PELO: variants seen among roughly 807,000 people sequenced by gnomAD.
The protein encoded by PELO is protein pelota homolog.
In PELO, 19 loss-of-function variants were observed where a neutral mutation model predicts 25.9. The ratio of observed to expected loss-of-function variants is 0.73; its 90% CI spans 0.51 to 1.08. The LOEUF is 1.08. PELO is among the 50% of genes least tolerant of loss of function. The pLI is 0.00. For missense variants in PELO, 498 were observed against 491.4 expected (o/e 1.01, Z -0.13); for synonymous variants, 196 against 192.2 (o/e 1.02, Z -0.16).
rs1386293847 is a variant in PELO at position 52,803,898 on chromosome 5, G to T, written c.*2058G>T. On this transcript the variant is annotated 3_prime_UTR_variant, in exon 3 of 3. Coordinates refer to ENST00000274311, the MANE Select transcript of PELO (RefSeq NM_015946.5). ...TCCTGTGCTGGTAAATCTCTGGCAGGGGTCCCCAGTCAGGAAAAAGATTTG... is the reference window on the plus strand; with the variant it reads ...TCCTGTGCTGGTAAATCTCTGGCAGTGGTCCCCAGTCAGGAAAAAGATTTG... The T allele has an allele frequency of 1.3e-5, 2 of 152,014 alleles. No homozygotes were observed. Among genetic ancestry groups the T allele is most frequent in the Non-Finnish European group, 2.9e-5 (2 of 68,010 alleles). 9.4% of individuals were successfully genotyped at this position (152,014 alleles called of 1,614,324 possible).
In PELO at chr5:52,792,539, T is replaced by G. The variant is rs542856728; in HGVS notation, c.-511+4125T>G. 1.1e-4 allele frequency among the ~76,000 whole-genome samples: 17 copies of G among 152,286 alleles called. No homozygotes were observed. The East Asian group carries it at 2.3e-3, about 21-fold the overall frequency. On this transcript the variant is annotated intron_variant, in intron 1 of 2. Transcript: ENST00000274311. The stretch of plus-strand genomic sequence containing the variant: ...TACCCAGCTATTTTGAAGCATGAGC[T>G]CTTGGGCCACAGCTTATCACTGATG...
chr5:52,801,623 G>A lies in PELO; in HGVS notation c.941G>A (p.Ser314Asn), dbSNP rs368990050. Residue 314 changes from serine (S) to asparagine (N), a missense_variant, in exon 3 of 3, where the codon AGC becomes AAC. Physicochemically the swap from Ser to Asn is conservative, Grantham distance 46. Coordinates refer to ENST00000274311, the MANE Select transcript of PELO (RefSeq NM_015946.5). ...EAMAIDTLLI[S>N]DELFRHQDVA... The stretch of plus-strand genomic sequence containing the variant: ...ATGGCAATTGACACATTGCTCATCA[G>A]CGATGAGCTCTTCAGGCATCAGGAT... 6.2e-7 allele frequency: 1 copy of A among 1,612,826 alleles called. No individual in the cohort carries two copies. The highest frequency in any genetic ancestry group is 1.3e-5 in the African/African-American group (1 of 74,906).
Position 52,801,586 on chromosome 5 carries a change from G to T in PELO, c.904G>T (p.Ala302Ser). The T allele has an allele frequency of 6.2e-7, 1 of 1,614,112 alleles. No individual in the cohort carries two copies. The highest frequency in any genetic ancestry group is 8.5e-7 in the Non-Finnish European group (1 of 1,179,990). Residue 302 changes from alanine to serine, a missense_variant, in exon 3 of 3, where the codon GCC (alanine) becomes TCC (serine). Transcript: ENST00000274311. Reference sequence around the variant, plus strand: ...CTATGGACTCAAGCAGGTGGAGAAGGCCAATGAAGCCATGGCAATTGACAC... The same window carrying T: ...CTATGGACTCAAGCAGGTGGAGAAGTCCAATGAAGCCATGGCAATTGACAC... ...AFYGLKQVEK[A>S]NEAMAIDTLL...
chr5:52,799,311 G>A (rs1020949621), intron 1 of PELO, among the ~76,000 whole-genome samples: 4 of 152,172 alleles, frequency 2.6e-5, no homozygotes, highest in Admixed American at 1.3e-4. Context: ...GTCAGTCCTA[G>A]TTAATAGTTT....
Position 52,800,189 on chromosome 5 carries a change from C to T in PELO, c.-206C>T. 2 of 592,614 alleles carry T rather than the reference C, an allele frequency of 3.4e-6. No homozygotes were observed. Among genetic ancestry groups the T allele is most frequent in the South Asian group, 2.0e-5 (1 of 50,318 alleles). 36.7% of individuals were successfully genotyped at this position (592,614 alleles called of 1,614,324 possible). On this transcript the variant is annotated 5_prime_UTR_variant, in exon 2 of 3. Coordinates refer to ENST00000274311, the MANE Select transcript of PELO (RefSeq NM_015946.5). ...CCCCGAGCCTGTTAGACGCAGCGCG[C>T]CGGGAGACTGAGAGAGGAAAGGATA...
Position 52,788,361 on chromosome 5 carries a change from C to G in PELO, c.-564C>G, listed in dbSNP as rs1383663906. 4 of 1,510,740 alleles carry G rather than the reference C, an allele frequency of 2.6e-6. No individual in the cohort carries two copies. The highest frequency in any genetic ancestry group is 2.5e-5 in the South Asian group (2 of 81,390). 93.6% of individuals were successfully genotyped at this position (1,510,740 alleles called of 1,614,324 possible). On this transcript the variant is annotated 5_prime_UTR_variant, in exon 1 of 3. Coordinates refer to ENST00000274311, the MANE Select transcript of PELO (RefSeq NM_015946.5). Reference sequence around the variant, plus strand: ...GCTGAGGCTGCTCCGGCCATGGCCCCTCGGCCCCGCGCCCGCCCAGGGGTC... The same window carrying G: ...GCTGAGGCTGCTCCGGCCATGGCCCGTCGGCCCCGCGCCCGCCCAGGGGTC...
rs1165634386 is a variant in PELO, at chr5:52,800,847, A to C, written c.453A>C (p.Leu151Phe). 6.2e-7 allele frequency: 1 copy of C among 1,609,174 alleles called. No individual in the cohort carries two copies. Among genetic ancestry groups the C allele is most frequent in the Admixed American group, 1.7e-5 (1 of 59,756 alleles). The change falls in exon 2 of 3, where the codon TTA becomes TTC. Residue 151 changes from leucine (L) to phenylalanine (F), a missense_variant. Coordinates refer to ENST00000274311, the MANE Select transcript of PELO (RefSeq NM_015946.5). ...VMQEGLAHIC[L>F]VTPSMTLTRA... ...AGGAAGGCCTCGCCCATATCTGCTT[A>C]GTCACTCCCAGCATGACCCTCACTC...
Position 52,803,925 on chromosome 5 carries a change from G to GT in PELO, c.*2086dup, listed in dbSNP as rs1157656724. 2 of 152,136 alleles carry GT rather than the reference G, an allele frequency of 1.3e-5. No homozygotes were observed. Among genetic ancestry groups the GT allele is most frequent in the Admixed American group, 6.5e-5 (1 of 15,274 alleles). 9.4% of individuals were successfully genotyped at this position (152,136 alleles called of 1,614,324 possible). On this transcript the variant is annotated 3_prime_UTR_variant, in exon 3 of 3. Coordinates refer to ENST00000274311, the MANE Select transcript of PELO (RefSeq NM_015946.5). ...GTCCCCAGTCAGGAAAAAGATTTGA[G>GT]TATTAAGGTCTTTCAAAAAAGTTAA... is the stretch of plus-strand genomic sequence containing the variant.
Position 52,800,616 on chromosome 5 carries a change from C to A in PELO, c.222C>A (p.Phe74Leu). The A allele has an allele frequency of 6.2e-7, 1 of 1,613,814 alleles. No individual in the cohort carries two copies. The change falls in exon 2 of 3, where the codon TTC becomes TTA. Residue 74 changes from phenylalanine to leucine, a missense_variant. Transcript: ENST00000274311. ...CTCTCTGCGTGGAGGCCATCGACTT[C>A]GACTCTCAAGCCTGCCAGCTGCGGG... ...TLTLCVEAID[F>L]DSQACQLRVK... is the part of the protein sequence containing the mutation.
intron 1 of PELO, among the ~76,000 whole-genome samples, chr5:52,795,403 G>A (rs1290547614): frequency 6.6e-6 from 1 of 151,740 alleles, no homozygotes; most frequent in African/African-American, 2.4e-5. Flanking sequence ...ATACAGCCCC[G>A]ACTGTTTAAG....
chr5:52,801,802 T>C lies in PELO; in HGVS notation c.1120T>C (p.Ser374Pro), dbSNP rs201507571. ...TCTCCGCTTCCCTGTTCCCGAACTT[T>C]CTGACCAAGAGGGTGATTCCAGTTC... ...AILRFPVPEL[S>P]DQEGDSSSEE... Residue 374 changes from serine (S) to proline (P), a missense_variant, in exon 3 of 3, where the codon TCT becomes CCT. Transcript: ENST00000274311. The C allele has an allele frequency of 2.2e-5, 35 of 1,613,158 alleles. No individual in the cohort carries two copies. The East Asian group carries it at 6.9e-4, about 32-fold the overall frequency.
chr5:52,789,866 CAA>C (rs1251533175), intron 1 of PELO, among the ~76,000 whole-genome samples: 2 of 152,136 alleles, frequency 1.3e-5, no homozygotes, highest in African/African-American at 4.8e-5. Context: ...TCTAAAAAGA[CAA>C]GAGTGAAACT....
intron 1 of PELO, among the ~76,000 whole-genome samples, chr5:52,789,137 G>GA (rs1668687765): frequency 6.6e-6 from 1 of 152,074 alleles, no homozygotes; most frequent in African/African-American, 2.4e-5. Flanking sequence ...ATCCAATTTA[G>GA]AAAAAGCTTG....
intron 1 of PELO, among the ~76,000 whole-genome samples, chr5:52,796,230 T>C (rs978585002): frequency 1.1e-4 from 17 of 151,938 alleles, no homozygotes; most frequent in African/African-American, 4.1e-4. Context: ...TCCAGGATGC[T>C]TGACTTCTAG....
At chr5:52,791,643 T>G (rs1748243797) in intron 1 of PELO, among the ~76,000 whole-genome samples, 1 of 152,236 alleles carries the variant, frequency 6.6e-6, no homozygotes, top group Admixed American at 6.5e-5. Flanking sequence ...CAAGGCACTG[T>G]GCCAAGGGCT....
intron 1 of PELO, among the ~76,000 whole-genome samples, chr5:52,799,339 C>T (rs1000885635): frequency 2.0e-5 from 3 of 152,200 alleles, no homozygotes; most frequent in Non-Finnish European, 2.9e-5. Context: ...CTTCCCATAG[C>T]CTCGGCTTTT....
At position 52,800,918 on chromosome 5, in the gene PELO, G is replaced by T. The variant is rs549701701; in HGVS notation, c.524G>T (p.Cys175Phe). The T allele has an allele frequency of 6.2e-7, 1 of 1,614,088 alleles. No individual in the cohort carries two copies. Among genetic ancestry groups the T allele is most frequent in the African/African-American group, 1.3e-5 (1 of 75,046 alleles). ...VNIPRKRKGNCSQHDRALERF... is the reference protein window; with the variant it reads ...VNIPRKRKGNFSQHDRALERF... ...ATCCCTAGGAAAAGGAAAGGCAATTGCTCTCAGCATGACCGGGCCTTGGAG... is the reference window on the plus strand; with the variant it reads ...ATCCCTAGGAAAAGGAAAGGCAATTTCTCTCAGCATGACCGGGCCTTGGAG... The change falls in exon 2 of 3, where the codon TGC becomes TTC. Residue 175 changes from cysteine (C) to phenylalanine (F), a missense_variant. Cys to Phe is a radical substitution (Grantham distance 205). Transcript: ENST00000274311.
Position 52,789,618 on chromosome 5 carries a change from C to T in PELO, c.-511+1204C>T, listed in dbSNP as rs369930050. Among the ~76,000 whole-genome samples the T allele has an allele frequency of 1.2e-4, 19 of 152,334 alleles. No homozygotes were observed. The South Asian group carries it at 3.9e-3, about 32-fold the overall frequency. ...CTCAGGAAATGTCCAATAATCCAAACAGTGGTAACTGCTGAACAGCATTAT... is the reference window on the plus strand; with the variant it reads ...CTCAGGAAATGTCCAATAATCCAAATAGTGGTAACTGCTGAACAGCATTAT... On this transcript the variant is annotated intron_variant, in intron 1 of 2. Transcript: ENST00000274311.
rs1748538582 is a variant in PELO, at chr5:52,803,845, C to T, written c.*2005C>T. On this transcript the variant is annotated 3_prime_UTR_variant, in exon 3 of 3. Transcript: ENST00000274311. ...AGATGATTCCTGTGCATAATAAAAT[C>T]TGATAAACAAAGGCAATAGGTTATT... 1.3e-5 allele frequency: 2 copies of T among 152,148 alleles called. No homozygotes were observed. Among genetic ancestry groups the T allele is most frequent in the South Asian group, 4.1e-4 (2 of 4,828 alleles). 9.4% of individuals were successfully genotyped at this position (152,148 alleles called of 1,614,324 possible).
Sources: allele counts gnomAD v4.1 joint callset (sites outside exome capture counted in the v4.1 genomes callset), GRCh38; gene constraint gnomAD v4.1.1; transcripts MANE v1.5; gene names NCBI Gene and HGNC (gene_info 2026-07-23, HGNC 2026-07-21).